The following TRHDE variants were observed in gnomAD, a reference collection of about 807,000 sequenced individuals.
TRHDE encodes thyrotropin-releasing hormone-degrading ectoenzyme.
A neutral mutation model predicts 125.7 loss-of-function variants in TRHDE; 72 were observed. The ratio of observed to expected loss-of-function variants is 0.57; its 90% CI spans 0.47 to 0.70. The LOEUF is 0.70. Ranked by LOEUF, TRHDE falls within the 30% of genes least tolerant of loss-of-function variation. The probability of loss-of-function intolerance (pLI) is 0.00; values close to 1 mark genes in which losing one functional copy is unlikely to be tolerated. For synonymous variants in TRHDE, 509 were observed against 509.1 expected (o/e 1.00, Z 0.00); for missense variants, 1,110 against 1,327.1 (o/e 0.84, Z 2.54).
chr12:72,600,525 C>A (rs1872167232), intron 12 of TRHDE, among the ~76,000 whole-genome samples: 1 of 151,948 alleles, frequency 6.6e-6, no homozygotes, highest in Non-Finnish European at 1.5e-5. Flanking sequence ...AATGAGGTTG[C>A]ATTCTTGATT....
intron 5 of TRHDE, among the ~76,000 whole-genome samples, chr12:72,492,550 T>C (rs1022389273): frequency 2.6e-5 from 4 of 152,036 alleles, no homozygotes; most frequent in Admixed American, 1.3e-4. Flanking sequence ...ATGGATATTT[T>C]CCCCCAATAT....
At chr12:72,504,130 G>A (rs1878265819) in intron 6 of TRHDE, among the ~76,000 whole-genome samples, 1 of 152,022 alleles carries the variant, frequency 6.6e-6, no homozygotes, top group South Asian at 2.1e-4. Flanking sequence ...GAGGGGAACT[G>A]TAAAAAAACA....
At chr12:72,123,896 T>A (rs1875650443) in intron 2 of TRHDE, among the ~76,000 whole-genome samples, 1 of 152,152 alleles carries the variant, frequency 6.6e-6, no homozygotes, top group African/African-American at 2.4e-5. Context: ...GTATTTTATA[T>A]AAAAGGAATC....
intron 2 of TRHDE, among the ~76,000 whole-genome samples, chr12:72,120,199 C>T (rs777522981): frequency 1.3e-4 from 19 of 151,652 alleles, no homozygotes; most frequent in African/African-American, 2.2e-4. Flanking sequence ...TACAGGTGCC[C>T]GCCATCACGC....
chr12:72,248,417 C>CAAAA (rs34434650), intron 2 of TRHDE, among the ~76,000 whole-genome samples: 21 of 55,718 alleles, frequency 3.8e-4, no homozygotes, highest in African/African-American at 8.9e-4. Context: ...GACTCTGTCT[C>CAAAA]AAAAAAAAAA....
intron 2 of TRHDE, among the ~76,000 whole-genome samples, chr12:72,299,755 T>G (rs771840972): frequency 4.6e-5 from 7 of 152,180 alleles, no homozygotes; most frequent in Non-Finnish European, 8.8e-5. Flanking sequence ...TCTTAAATGA[T>G]TTTGTTTTTA....
chr12:72,570,169 G>A (rs1195842705), intron 10 of TRHDE, among the ~76,000 whole-genome samples: 1 of 152,188 alleles, frequency 6.6e-6, no homozygotes, highest in Non-Finnish European at 1.5e-5. Flanking sequence ...TTTAGATAGT[G>A]CAAGGATTCA....
chr12:72,251,465 A>G (rs1184820689), intron 2 of TRHDE, among the ~76,000 whole-genome samples: 1 of 147,096 alleles, frequency 6.8e-6, no homozygotes, highest in Non-Finnish European at 1.5e-5. Context: ...CTGGAGATGC[A>G]TCCAAGTTAT....
At chr12:72,169,722 TAAAA>T (rs985288873) in intron 2 of TRHDE, among the ~76,000 whole-genome samples, 7 of 151,650 alleles carry the variant, frequency 4.6e-5, no homozygotes, top group African/African-American at 1.7e-4. Flanking sequence ...ATAATAATAA[TAAAA>T]GAAAGATACA....
intron 3 of TRHDE, 68 bp from the exon 4 acceptor site, chr12:72,469,690 T>C: frequency 6.5e-7 from 1 of 1,528,816 alleles, no homozygotes; most frequent in South Asian, 1.2e-5. Context: ...CTGGACACTT[T>C]TTAGGATATA....
chr12:72,321,824 T>G (rs1162832637), intron 2 of TRHDE, among the ~76,000 whole-genome samples: 1 of 152,080 alleles, frequency 6.6e-6, no homozygotes, highest in Non-Finnish European at 1.5e-5. Context: ...TAGTGTTTAG[T>G]GTTGGTGCTC....
intron 2 of TRHDE, among the ~76,000 whole-genome samples, chr12:72,127,518 A>G (rs977246106): frequency 1.3e-5 from 2 of 152,226 alleles, no homozygotes; most frequent in African/African-American, 4.8e-5. Context: ...ATAAAAATGA[A>G]ATCATGTCAT....
At chr12:72,159,185 G>A (rs954353837) in intron 2 of TRHDE, among the ~76,000 whole-genome samples, 4 of 152,134 alleles carry the variant, frequency 2.6e-5, no homozygotes, top group African/African-American at 9.7e-5. Flanking sequence ...GCAAATATGG[G>A]TTTCTCTTTT....
chr12:72,617,762 T>C (rs759212792), intron 12 of TRHDE, among the ~76,000 whole-genome samples: 3 of 152,196 alleles, frequency 2.0e-5, no homozygotes, highest in Non-Finnish European at 2.9e-5. Context: ...GAGCTTGGTC[T>C]GCTTCAAAGA....
chr12:72,550,169 T>C (rs1869608886), intron 7 of TRHDE, among the ~76,000 whole-genome samples: 1 of 151,934 alleles, frequency 6.6e-6, no homozygotes, highest in Admixed American at 6.6e-5. Context: ...AGTTGATGTA[T>C]GGATGTATCT....
chr12:72,353,370 G>C (rs918466117), intron 2 of TRHDE, among the ~76,000 whole-genome samples: 1 of 151,670 alleles, frequency 6.6e-6, no homozygotes, highest in Non-Finnish European at 1.5e-5. Context: ...AGGAAATATG[G>C]AAGAAAAGTG....
chr12:72,413,128 A>AT lies in TRHDE; in HGVS notation c.1315+35012dup, dbSNP rs537032781. Among the ~76,000 whole-genome samples, 477 of 152,232 alleles carry AT rather than the reference A, an allele frequency of 3.1e-3. 1 individual carries two copies. Among genetic ancestry groups the AT allele is most frequent in the African/African-American group, 0.011 (442 of 41,574 alleles). Reference sequence around the variant, plus strand: ...TATATATGTTATTTCATAATTAATAATTTTTAAAAGATCCAGTTAGGCAAA... The same window carrying AT: ...TATATATGTTATTTCATAATTAATAATTTTTTAAAAGATCCAGTTAGGCAAA... On this transcript the variant is annotated intron_variant, in intron 3 of 18. Transcript: ENST00000261180.
At chr12:72,130,998 C>T (rs1405034226) in intron 2 of TRHDE, among the ~76,000 whole-genome samples, 2 of 151,706 alleles carry the variant, frequency 1.3e-5, no homozygotes, top group Non-Finnish European at 2.9e-5. Flanking sequence ...AAATAGTTTT[C>T]CCAAAAGTAC....
At chr12:72,590,538 A>C (rs780050719) in intron 12 of TRHDE, among the ~76,000 whole-genome samples, 1 of 152,028 alleles carries the variant, frequency 6.6e-6, no homozygotes, top group South Asian at 2.1e-4. Flanking sequence ...ATTTCTGTTT[A>C]TCTCTGATTA....
Sources: allele counts gnomAD v4.1 joint callset (sites outside exome capture counted in the v4.1 genomes callset), GRCh38; gene constraint gnomAD v4.1.1; transcripts MANE v1.5; gene names NCBI Gene and HGNC (gene_info 2026-07-23, HGNC 2026-07-21).